URI1: variants seen among roughly 807,000 people sequenced by gnomAD.
URI1 encodes the protein unconventional prefoldin RPB5 interactor 1.
URI1 carries 39 observed loss-of-function variants against 60.2 expected under a neutral mutation model. That is an observed-to-expected ratio of 0.65 (90% CI 0.50 to 0.85). The LOEUF is 0.85. Ranked by LOEUF, URI1 falls within the 40% of genes least tolerant of loss-of-function variation. The pLI is 0.00. For synonymous variants in URI1, 251 were observed against 236.8 expected, an observed-to-expected ratio of 1.06 and a Z score of -0.55; for missense variants, 691 against 665.9, an observed-to-expected ratio of 1.04 and a Z score of -0.42.
At chr19:29,954,575 C>T (rs10416449) in intron 1 of URI1, among the ~76,000 whole-genome samples, 2,398 of 138,154 alleles carry the variant, frequency 0.017, 71 homozygotes, top group African/African-American at 0.062. Flanking sequence ...AGTGCAGTGG[C>T]GCAATCTCGG....
chr19:29,992,320 T>G (rs757542601), intron 4 of URI1, among the ~76,000 whole-genome samples: 2 of 152,232 alleles, frequency 1.3e-5, no homozygotes, highest in Admixed American at 6.5e-5. Context: ...TCTGCCTACC[T>G]TGGCCTCCCA....
At position 30,009,255 on chromosome 19, in the gene URI1, A is replaced by G. The variant is rs763315367; in HGVS notation, c.937A>G (p.Ile313Val). ...DDDDDDDDDNIDDDDGDNDHE... is the reference protein window; with the variant it reads ...DDDDDDDDDNVDDDDGDNDHE... ...TGATGATGACGACGACGACGACAAC[A>G]TTGACGACGATGATGGTGATAACGA... Residue 313 changes from isoleucine (I) to valine (V), a missense_variant, in exon 8 of 11, where the codon ATT (isoleucine) becomes GTT (valine). Ile to Val is a conservative substitution (Grantham distance 29, BLOSUM62 3). Coordinates refer to ENST00000392271, the MANE Select transcript of URI1 (RefSeq NM_003796.3). 9.2e-5 allele frequency: 148 copies of G among 1,613,712 alleles called. No homozygotes were observed. Among genetic ancestry groups the G allele is most frequent in the Non-Finnish European group, 1.2e-4 (139 of 1,179,844 alleles).
At chr19:29,944,995 C>T (rs989202776) in intron 1 of URI1, among the ~76,000 whole-genome samples, 1 of 152,178 alleles carries the variant, frequency 6.6e-6, no homozygotes, top group Non-Finnish European at 1.5e-5. Flanking sequence ...TAGTGACATC[C>T]TGAGTGTAGA....
intron 1 of URI1, among the ~76,000 whole-genome samples, chr19:29,958,847 C>G (rs1853726322): frequency 6.6e-6 from 1 of 151,710 alleles, no homozygotes; most frequent in African/African-American, 2.4e-5. Context: ...GTAATCCCAG[C>G]TACTCGGAAG....
chr19:29,954,152 A>G (rs4805506), intron 1 of URI1, among the ~76,000 whole-genome samples: 124,036 of 152,140 alleles, frequency 0.82, 51,651 homozygotes, highest in Non-Finnish European at 0.9. Context: ...ATCCTACAAT[A>G]TATACAAAAT....
chr19:29,942,425 C>T lies in URI1; in HGVS notation c.-123C>T, dbSNP rs1350767901. The T allele has an allele frequency of 1.0e-6, 1 of 983,728 alleles. No individual in the cohort carries two copies. The highest frequency in any genetic ancestry group is 1.2e-6 in the Non-Finnish European group (1 of 829,580). 60.9% of individuals were successfully genotyped at this position (983,728 alleles called of 1,614,324 possible). ...GCAGCGGCGGCGGCGGGCGCGGCCT[C>T]CTGGGCGCGGGGCGCGCGGTGCCTG... On this transcript the variant is annotated 5_prime_UTR_variant, in exon 1 of 11. Coordinates refer to ENST00000392271, the MANE Select transcript of URI1 (RefSeq NM_003796.3).
intron 4 of URI1, among the ~76,000 whole-genome samples, chr19:30,001,674 C>T (rs187324684): frequency 3.3e-5 from 5 of 151,990 alleles, no homozygotes; most frequent in South Asian, 2.1e-4. Context: ...TTTCCAGGTC[C>T]GATATCCCAG....
intron 1 of URI1, among the ~76,000 whole-genome samples, chr19:29,943,805 G>A (rs1046841805): frequency 1.3e-5 from 2 of 151,912 alleles, no homozygotes; most frequent in African/African-American, 4.8e-5. Flanking sequence ...TAACGCAACT[G>A]TTAGGTTTGG....
chr19:30,015,057 A>C lies in URI1; in HGVS notation c.1596A>C (p.Gln532His), dbSNP rs764555561. The C allele has an allele frequency of 1.2e-6, 2 of 1,613,472 alleles. No homozygotes were observed. The highest frequency in any genetic ancestry group is 1.7e-6 in the Non-Finnish European group (2 of 1,179,590). Residue 532 changes from glutamine (Q) to histidine (H), a missense_variant, in exon 11 of 11, where the codon CAA (glutamine) becomes CAC (histidine). Gln to His is a conservative substitution (Grantham distance 24). Coordinates refer to ENST00000392271, the MANE Select transcript of URI1 (RefSeq NM_003796.3). ...CAAAGTTTAAAGCTGCCAGATTGCA[A>C]CAGAAAGACTAGGCCCTGTCTAGGA... is the stretch of plus-strand genomic sequence containing the variant. Reference protein sequence around the residue: ...RVSKFKAARLQQKD With the variant: ...RVSKFKAARLHQKD
chr19:29,998,095 A>G (rs2055835461), intron 4 of URI1, among the ~76,000 whole-genome samples: 1 of 152,122 alleles, frequency 6.6e-6, no homozygotes. Context: ...TGACCCATTG[A>G]CAGATTATTT....
At chr19:30,005,516 C>A in intron 5 of URI1, 64 bp downstream of exon 5, 1 of 1,493,248 alleles carries the variant, frequency 6.7e-7, no homozygotes, top group South Asian at 1.3e-5. Context: ...ATGAAGCTAT[C>A]TTACAGCCAA....
rs5827686 is a variant in URI1 at position 29,980,922 on chromosome 19, C to CA, written c.153-4279dup. Among the ~76,000 whole-genome samples the CA allele has an allele frequency of 1.6e-3, 108 of 68,524 alleles. 1 individual carries two copies. The highest frequency in any genetic ancestry group is 0.013 in the Middle Eastern group (2 of 156). 45.0% of individuals were successfully genotyped at this position (68,524 alleles called of 152,430 possible). ...GGGTGAAAGAGTGAGACTCCATCTC[C>CA]AAAAAAAAAAAAAAAAAAAAAAGTT... On this transcript the variant is annotated intron_variant, in intron 2 of 10. Transcript: ENST00000392271.
At chr19:29,950,980 G>A (rs190668740) in intron 1 of URI1, among the ~76,000 whole-genome samples, 13 of 152,288 alleles carry the variant, frequency 8.5e-5, no homozygotes, top group Non-Finnish European at 1.0e-4. Context: ...AGAATACTAC[G>A]TAGATAGCTG....
At chr19:29,985,422 A>AT in intron 3 of URI1, 121 bp downstream of exon 3, 1 of 731,134 alleles carries the variant, frequency 1.4e-6, no homozygotes, top group South Asian at 2.8e-5. Flanking sequence ...AGCAAGGAAG[A>AT]TTTGTTTTGT....
chr19:29,950,285 C>T lies in URI1; in HGVS notation c.117+7621C>T, dbSNP rs114528562. Among the ~76,000 whole-genome samples, 1,055 of 152,220 alleles carry T rather than the reference C, an allele frequency of 6.9e-3. 8 individuals carry two copies. The highest frequency in any genetic ancestry group is 0.024 in the African/African-American group (996 of 41,532). ...CTGGGGGGAAAGGGGGAAGAAGGTGCGTGGAATCTGTGATTTGGCCATAAC... is the reference window on the plus strand; with the variant it reads ...CTGGGGGGAAAGGGGGAAGAAGGTGTGTGGAATCTGTGATTTGGCCATAAC... On this transcript the variant is annotated intron_variant, in intron 1 of 10. Transcript: ENST00000392271.
chr19:29,947,574 G>A (rs1383794583), intron 1 of URI1, among the ~76,000 whole-genome samples: 1 of 152,162 alleles, frequency 6.6e-6, no homozygotes, highest in Non-Finnish European at 1.5e-5. Flanking sequence ...TGAGGTTGAT[G>A]ACCTTTTCAG....
intron 1 of URI1, among the ~76,000 whole-genome samples, chr19:29,964,976 C>T (rs1329035084): frequency 2.0e-5 from 3 of 150,742 alleles, no homozygotes; most frequent in Non-Finnish European, 4.4e-5. Flanking sequence ...CTAAAGTTTT[C>T]TTAGTTGCAA....
intron 3 of URI1, 70 bp from the exon 4 acceptor site, chr19:29,986,212 A>C: frequency 7.1e-7 from 1 of 1,404,446 alleles, no homozygotes; most frequent in Non-Finnish European, 9.4e-7. Context: ...TTTTAATGCG[A>C]AGTGTTTTAT....
intron 4 of URI1, among the ~76,000 whole-genome samples, chr19:29,990,800 T>C (rs1006565947): frequency 1.3e-5 from 2 of 152,206 alleles, no homozygotes; most frequent in Admixed American, 1.3e-4. Context: ...TTGGTAATGG[T>C]TGCACAACCC....
Sources: allele counts gnomAD v4.1 joint callset (sites outside exome capture counted in the v4.1 genomes callset), GRCh38; gene constraint gnomAD v4.1.1; transcripts MANE v1.5; gene names NCBI Gene and HGNC (gene_info 2026-07-23, HGNC 2026-07-21).